HHAT: variants seen among roughly 807,000 people sequenced by gnomAD.
HHAT encodes protein-cysteine N-palmitoyltransferase HHAT.
A neutral mutation model predicts 70.8 loss-of-function variants in HHAT; 47 were observed. The observed-to-expected ratio is 0.66, with a 90% confidence interval of 0.53 to 0.85. The LOEUF (loss-of-function observed/expected upper bound fraction) is 0.85. HHAT is among the 40% of genes least tolerant of loss of function. The probability of loss-of-function intolerance (pLI) is 0.00; values close to 1 mark genes in which losing one functional copy is unlikely to be tolerated. For synonymous variants in HHAT, 228 were observed against 247.6 expected (o/e 0.92, Z 0.74); for missense variants, 609 against 604.8 (o/e 1.01, Z -0.07).
intron 11 of HHAT, among the ~76,000 whole-genome samples, chr1:210,655,273 G>A (rs1046627436): frequency 6.6e-6 from 1 of 152,176 alleles, no homozygotes; most frequent in Non-Finnish European, 1.5e-5. Context: ...GGCAGGGAGG[G>A]TGCTAATGCC....
At chr1:210,589,631 T>G (rs1661225608) in intron 10 of HHAT, 1 of 152,272 alleles carries the variant, frequency 6.6e-6, no homozygotes, top group Non-Finnish European at 1.5e-5. Flanking sequence ...AACTTAATGT[T>G]AAGCAGTGCT....
chr1:210,571,763 T>A (rs1656323450), intron 9 of HHAT, among the ~76,000 whole-genome samples: 2 of 152,194 alleles, frequency 1.3e-5, no homozygotes, highest in Non-Finnish European at 2.9e-5. Flanking sequence ...TACATTAATA[T>A]CCAGATCTAC....
At chr1:210,539,004 G>A (rs2095402474) in intron 9 of HHAT, among the ~76,000 whole-genome samples, 1 of 152,188 alleles carries the variant, frequency 6.6e-6, no homozygotes, top group African/African-American at 2.4e-5. Flanking sequence ...TTGAACCTGG[G>A]AGGCAGAGGC....
At chr1:210,650,633 GAT>G (rs1674948726) in intron 11 of HHAT, among the ~76,000 whole-genome samples, 1 of 152,184 alleles carries the variant, frequency 6.6e-6, no homozygotes, top group Non-Finnish European at 1.5e-5. Context: ...AGGGGATTCG[GAT>G]CCAACTCAAG....
rs532360544 is a variant in HHAT at position 210,458,902 on chromosome 1, T to C, written c.857-5603T>C. Among the ~76,000 whole-genome samples the C allele has an allele frequency of 5.9e-5, 9 of 152,314 alleles. No homozygotes were observed. The South Asian group carries it at 1.9e-3, about 32-fold the overall frequency. ...CACAAAGAAGGGCTGGGTAGGTATG[T>C]ATGTCAATCTGGGAAGGACTAAATT... is the stretch of plus-strand genomic sequence containing the variant. On this transcript the variant is annotated intron_variant, in intron 7 of 11. Coordinates refer to ENST00000261458, the MANE Select transcript of HHAT (RefSeq NM_018194.6).
intron 9 of HHAT, among the ~76,000 whole-genome samples, chr1:210,545,226 TACCTCTGC>T (rs1158127882): frequency 6.6e-6 from 1 of 152,184 alleles, no homozygotes; most frequent in Non-Finnish European, 1.5e-5. Context: ...TTACCTCTCG[TACCTCTGC>T]AACCTCATCA....
chr1:210,423,710 C>T (rs2092972668), intron 7 of HHAT, among the ~76,000 whole-genome samples: 1 of 152,042 alleles, frequency 6.6e-6, no homozygotes, highest in Non-Finnish European at 1.5e-5. Context: ...GTCTTTGATC[C>T]ATTTTGAGGG....
chr1:210,498,817 C>T (rs2094700075), intron 8 of HHAT, among the ~76,000 whole-genome samples: 1 of 140,970 alleles, frequency 7.1e-6, no homozygotes, highest in African/African-American at 2.7e-5. Context: ...TGTGGCCATG[C>T]TAGAGTCAGT....
At chr1:210,383,270 G>A (rs1376104361) in intron 3 of HHAT, among the ~76,000 whole-genome samples, 1 of 152,214 alleles carries the variant, frequency 6.6e-6, no homozygotes, top group Non-Finnish European at 1.5e-5. Flanking sequence ...AGCCTGGGAG[G>A]CAGAGATTGC....
chr1:210,580,484 TC>T (rs1425406078), intron 9 of HHAT, among the ~76,000 whole-genome samples: 1 of 87,166 alleles, frequency 1.1e-5, no homozygotes, highest in Admixed American at 1.4e-4. Flanking sequence ...CTAAGTTCCC[TC>T]CCCCCACCCC....
chr1:210,563,675 C>T (rs7550703), intron 9 of HHAT, among the ~76,000 whole-genome samples: 9,059 of 152,170 alleles, frequency 0.06, 856 homozygotes, highest in African/African-American at 0.2. Context: ...AAGGAGAGAA[C>T]TTGGTTTTGA....
In HHAT at chr1:210,444,777, G is replaced by T. The variant is rs545740072; in HGVS notation, c.857-19728G>T. The stretch of plus-strand genomic sequence containing the variant: ...AATCCTTCCACCTCAGCCTCCCAAA[G>T]TGCTGAGTTTACAGACGTGAACCAC... On this transcript the variant is annotated intron_variant, in intron 7 of 11. Transcript: ENST00000261458. Among the ~76,000 whole-genome samples, 4 of 152,220 alleles carry T rather than the reference G, an allele frequency of 2.6e-5. No homozygotes were observed. The South Asian group carries it at 6.2e-4, about 24-fold the overall frequency.
chr1:210,590,414 G>A (rs752704685), intron 10 of HHAT: 1 of 151,928 alleles, frequency 6.6e-6, no homozygotes, highest in East Asian at 1.9e-4. Flanking sequence ...CAGATCAATA[G>A]GATGTGTGTG....
At chr1:210,602,814 C>G (rs577243847) in intron 10 of HHAT, among the ~76,000 whole-genome samples, 1 of 152,222 alleles carries the variant, frequency 6.6e-6, no homozygotes, top group South Asian at 2.1e-4. Flanking sequence ...TCTCCCACTC[C>G]TAAGGATCAT....
chr1:210,656,368 G>T (rs148770964), intron 11 of HHAT, among the ~76,000 whole-genome samples: 72 of 151,954 alleles, frequency 4.7e-4, no homozygotes, highest in Non-Finnish European at 8.8e-4. Context: ...CCACAGTCAC[G>T]CATGTGCTTT....
chr1:210,365,430 C>T (rs1029568733), intron 3 of HHAT, among the ~76,000 whole-genome samples: 9 of 149,438 alleles, frequency 6.0e-5, no homozygotes, highest in Non-Finnish European at 1.3e-4. Context: ...GATTCTCCCA[C>T]ATCAGCTTCC....
In HHAT at chr1:210,336,287, ATTTTTTTTT is replaced by A. The variant is rs541795412; in HGVS notation, c.-44+7198_-44+7206del. ...AGGCATGCACCACTGTGCCTGGCTA[ATTTTTTTTT>A]TTTTTTTTTTTTTTAGAGACAGGGT... is the stretch of plus-strand genomic sequence containing the variant. On this transcript the variant is annotated intron_variant, in intron 1 of 11. Transcript: ENST00000261458. Among the ~76,000 whole-genome samples the A allele has an allele frequency of 1.7e-4, 14 of 84,626 alleles. 1 individual carries two copies. The highest frequency in any genetic ancestry group is 1.4e-4 in the African/African-American group (3 of 22,076). 55.5% of individuals were successfully genotyped at this position (84,626 alleles called of 152,430 possible). A position where few individuals can be genotyped will look rare whatever the true frequency, so the allele number is the denominator to read the frequency against.
chr1:210,363,224 T>C (rs570711119), intron 3 of HHAT, among the ~76,000 whole-genome samples: 1 of 152,332 alleles, frequency 6.6e-6, no homozygotes, highest in South Asian at 2.1e-4. Flanking sequence ...CAGAATCACA[T>C]GCGGCCCCTG....
intron 9 of HHAT, among the ~76,000 whole-genome samples, chr1:210,532,686 C>T (rs2095327497): frequency 6.6e-6 from 1 of 152,088 alleles, no homozygotes; most frequent in Admixed American, 6.5e-5. Context: ...TGCAGAGCTC[C>T]TACCATATGC....
Sources: gnomAD v4.1 joint callset for allele counts (sites outside exome capture counted in the v4.1 genomes callset) on GRCh38, gnomAD v4.1.1 for gene constraint, MANE v1.5 for transcripts, NCBI Gene and HGNC (gene_info 2026-07-23, HGNC 2026-07-21) for gene names.